Variants in MACF1 observed in about 807,000 individuals in gnomAD.
MACF1 encodes the protein microtubule actin crosslinking factor 1, also known as microtubule-actin cross-linking factor 1.
MACF1 carries 193 observed loss-of-function variants against 854.8 expected under a neutral mutation model. The observed-to-expected ratio is 0.23, with a 90% CI of 0.20 to 0.25. MACF1 has a LOEUF of 0.25. MACF1 is among the 10% of genes least tolerant of loss of function. The pLI, the probability that MACF1 is intolerant of heterozygous loss-of-function variation, is 1.00. For synonymous variants in MACF1, 3,185 were observed against 3,226.7 expected (o/e 0.99, Z 0.44); for missense variants, 7,722 against 8,929.1 (o/e 0.86, Z 5.45).
intron 97 of MACF1, among the ~76,000 whole-genome samples, chr1:39,477,952 CTT>C (rs1037863621): frequency 2.8e-5 from 4 of 143,582 alleles, no homozygotes; most frequent in Admixed American, 1.4e-4. Context: ...AAGTTTTCCT[CTT>C]ATATCTTTTT....
At chr1:39,367,621 T>C (rs1015281863) in intron 49 of MACF1, among the ~76,000 whole-genome samples, 2 of 152,212 alleles carry the variant, frequency 1.3e-5, no homozygotes, top group African/African-American at 4.8e-5. Flanking sequence ...AGTGGCAAAG[T>C]GTGATTGAAT....
At chr1:39,118,447 GTTC>G (rs776358042) in intron 2 of MACF1, among the ~76,000 whole-genome samples, 45 of 152,242 alleles carry the variant, frequency 3.0e-4, no homozygotes, top group Admixed American at 6.5e-4. Flanking sequence ...TTTCATTCTT[GTTC>G]TTATTGTTAA....
At chr1:39,298,566 G>C (rs1571293114) in intron 21 of MACF1, 2 of 381,892 alleles carry the variant, frequency 5.2e-6, no homozygotes, top group East Asian at 7.3e-5. Flanking sequence ...CTGAATAAGA[G>C]AACTAGAATA....
rs1557510709 is a variant in MACF1 at position 39,194,335 on chromosome 1, TCTTTTCTTTTC to T, written c.221-36846_221-36836del. 2.7e-4 allele frequency among the ~76,000 whole-genome samples: 18 copies of T among 67,250 alleles called. 2 individuals carry two copies. The highest frequency in any genetic ancestry group is 4.7e-4 in the Admixed American group (3 of 6,424). The allele number at this position is 67,250 out of a possible 152,430, so 44.1% of individuals were successfully genotyped here. ...AAGTGGAATTTCTTTTCTTTTCTTTTCTTTTCTTTTCTTTTCTTTTTTTTTTTTTTTTTTTT... is the reference window on the plus strand; with the variant it reads ...AAGTGGAATTTCTTTTCTTTTCTTTTTTTTCTTTTTTTTTTTTTTTTTTTT... On this transcript the variant is annotated intron_variant, in intron 2 of 93. Transcript: ENST00000361689.
intron 6 of MACF1, chr1:39,269,229 T>C: frequency 1.6e-6 from 2 of 1,289,904 alleles, no homozygotes; most frequent in South Asian, 1.2e-5. Flanking sequence ...CAGGGCTGTG[T>C]TGCTGCCTTT....
At chr1:39,187,955 T>G (rs1459254632) in intron 2 of MACF1, among the ~76,000 whole-genome samples, 1 of 108,806 alleles carries the variant, frequency 9.2e-6, no homozygotes, top group Non-Finnish European at 1.9e-5. Context: ...TCCCTTCCCT[T>G]CCCTCCCCTC....
At chr1:39,135,353 T>A (rs981257296) in intron 2 of MACF1, among the ~76,000 whole-genome samples, 1 of 152,158 alleles carries the variant, frequency 6.6e-6, no homozygotes, top group Non-Finnish European at 1.5e-5. Context: ...TTCAAGTGAT[T>A]CTCCTGCCTC....
At position 39,358,022 on chromosome 1, in the gene MACF1, G is replaced by C. The variant is rs545814401; in HGVS notation, c.11943+129G>C. The C allele has an allele frequency of 2.6e-5, 25 of 954,744 alleles. 1 individual carries two copies. In the East Asian group the frequency reaches 6.6e-4, roughly 25 times the overall value. The allele number at this position is 954,744 out of a possible 1,614,324, so 59.1% of individuals were successfully genotyped here. On this transcript the variant is annotated intron_variant, in intron 45 of 100. Coordinates refer to ENST00000564288, the MANE Select transcript of MACF1 (RefSeq NM_001394062.1). ...GAGAGCTGATTTATACTTGGACCAT[G>C]GGCAGAAGGTCTTCACAAACAATGC...
chr1:39,352,373 A>G (rs1297678170), intron 43 of MACF1, among the ~76,000 whole-genome samples: 1 of 152,194 alleles, frequency 6.6e-6, no homozygotes, highest in Non-Finnish European at 1.5e-5. Flanking sequence ...TTCCTTTAGG[A>G]AAGAGCAGCC....
At chr1:39,093,305 CTTTTTTTTTT>C (rs34921076) in intron 2 of MACF1, among the ~76,000 whole-genome samples, 2 of 54,124 alleles carry the variant, frequency 3.7e-5, no homozygotes, top group Non-Finnish European at 6.5e-5. Context: ...TACTCCACTT[CTTTTTTTTTT>C]TTTTTTTTTT....
intron 52 of MACF1, among the ~76,000 whole-genome samples, chr1:39,377,324 ATATAACCTTGCACATGACTTTT>A (rs1409797477): frequency 5.3e-5 from 8 of 152,276 alleles, no homozygotes; most frequent in Admixed American, 1.3e-4. Flanking sequence ...CTATTTTGTA[ATATAACCTTGCACATGACTTTT>A]TGTACAGTGA....
intron 2 of MACF1, among the ~76,000 whole-genome samples, chr1:39,130,458 CTCTGT>C (rs2148170139): frequency 6.6e-6 from 1 of 152,286 alleles, no homozygotes; most frequent in Non-Finnish European, 1.5e-5. Flanking sequence ...CTACTCCTTT[CTCTGT>C]TTTCAGATAA....
At chr1:39,279,076 A>T (rs1034542044) in intron 6 of MACF1, among the ~76,000 whole-genome samples, 12 of 152,342 alleles carry the variant, frequency 7.9e-5, no homozygotes, top group African/African-American at 2.9e-4. Context: ...GTGAACATGC[A>T]GTCAGAGCAG....
intron 20 of MACF1, among the ~76,000 whole-genome samples, chr1:39,296,751 A>AAAGAAAGAAAGAAAGG (rs1362049025): frequency 2.1e-5 from 2 of 93,648 alleles, no homozygotes; most frequent in African/African-American, 9.0e-5. Flanking sequence ...AGAAAGAAAG[A>AAAGAAAGAAAGAAAGG]AAGGAAGGAA....
intron 2 of MACF1, among the ~76,000 whole-genome samples, chr1:39,232,291 A>G (rs1340901227): frequency 1.3e-5 from 2 of 149,438 alleles, no homozygotes; most frequent in African/African-American, 5.1e-5. Context: ...TTCTCTGGGA[A>G]AGGGAAAGGT....
intron 2 of MACF1, among the ~76,000 whole-genome samples, chr1:39,160,584 C>A (rs906821599): frequency 3.3e-5 from 5 of 152,150 alleles, no homozygotes; most frequent in African/African-American, 1.2e-4. Flanking sequence ...CTCTTGTTGA[C>A]CCAAAGAAAG....
chr1:39,461,626 TAAAAATACA>T (rs1644556088), intron 92 of MACF1, among the ~76,000 whole-genome samples: 1 of 151,744 alleles, frequency 6.6e-6, no homozygotes, highest in Admixed American at 6.6e-5. Flanking sequence ...TCGTCTCTAC[TAAAAATACA>T]AAAAAAATTA....
chr1:39,253,249 C>T (rs1645062039), intron 4 of MACF1, among the ~76,000 whole-genome samples: 1 of 152,084 alleles, frequency 6.6e-6, no homozygotes, highest in African/African-American at 2.4e-5. Context: ...GGGGTTCTCT[C>T]CAGTGGGTTG....
intron 2 of MACF1, among the ~76,000 whole-genome samples, chr1:39,100,919 T>C (rs1041094140): frequency 2.2e-4 from 34 of 151,886 alleles, no homozygotes; most frequent in East Asian, 1.6e-3. Flanking sequence ...CGCGCGCGTG[T>C]GTGTGTGTGT....
Sources: gnomAD v4.1 joint callset for allele counts (sites outside exome capture counted in the v4.1 genomes callset) on GRCh38, gnomAD v4.1.1 for gene constraint, MANE v1.5 for transcripts, NCBI Gene and HGNC (gene_info 2026-07-23, HGNC 2026-07-21) for gene names.